Variants in RCN3 observed in about 807,000 individuals in gnomAD.
RCN3 encodes the protein reticulocalbin 3.
RCN3 carries 41 observed loss-of-function variants against 35.9 expected under a neutral mutation model. The ratio of observed to expected loss-of-function variants is 1.14; its 90% CI spans 0.89 to 1.48. The LOEUF (loss-of-function observed/expected upper bound fraction) is 1.48, where lower values mean the gene tolerates loss of function less well. Among genes scored for constraint, RCN3 ranks in the 40% most tolerant of loss-of-function variants. The probability of loss-of-function intolerance (pLI) is 0.00; values close to 1 mark genes in which losing one functional copy is unlikely to be tolerated. For synonymous variants in RCN3, 187 were observed against 193.4 expected, an observed-to-expected ratio of 0.97 and a Z score of 0.27; for missense variants, 451 against 471.3, an observed-to-expected ratio of 0.96 and a Z score of 0.40.
chr19:49,534,484 C>G, intron 3 of RCN3, 89 bp downstream of exon 3: 1 of 1,380,508 alleles, frequency 7.2e-7, no homozygotes. Context: ...AACCCATTTA[C>G]CCGGAGTCCC....
chr19:49,537,339 G>C, intron 4 of RCN3, 134 bp downstream of exon 4: 2 of 882,548 alleles, frequency 2.3e-6, no homozygotes, highest in Non-Finnish European at 1.6e-6. Context: ...GGGGAAGCCA[G>C]GCCGCAAACA....
At chr19:49,528,436 C>T (rs755427572) in intron 1 of RCN3, 31 bp from the exon 2 acceptor site, 1 of 1,466,762 alleles carries the variant, frequency 6.8e-7, no homozygotes, top group Non-Finnish European at 9.0e-7. Context: ...ATCCCTGTGA[C>T]CCCTGACCCC....
At chr19:49,537,251 C>G (rs1308571563) in intron 4 of RCN3, 46 bp downstream of exon 4, 44 of 1,414,926 alleles carry the variant, frequency 3.1e-5, no homozygotes, top group Non-Finnish European at 4.1e-5. Flanking sequence ...CTTCCGGGGA[C>G]CCAGGCTTCC....
intron 2 of RCN3, among the ~76,000 whole-genome samples, chr19:49,529,914 G>A (rs754890504): frequency 6.7e-6 from 1 of 149,458 alleles, no homozygotes; most frequent in South Asian, 2.1e-4. Flanking sequence ...TAGCCACCAC[G>A]CCCAGCTAAT....
chr19:49,528,721 G>C lies in RCN3; in HGVS notation c.242+7G>C. 3 of 1,569,134 alleles carry C rather than the reference G, an allele frequency of 1.9e-6. No individual in the cohort carries two copies. The highest frequency in any genetic ancestry group is 2.6e-6 in the Non-Finnish European group (3 of 1,155,610). Reference sequence around the variant, plus strand: ...AAAGCCAGGCCCGTCTGGGGTAAGAGAGACATTCGGTTGGGGCGTGTCCAG... The same window carrying C: ...AAAGCCAGGCCCGTCTGGGGTAAGACAGACATTCGGTTGGGGCGTGTCCAG... On this transcript the variant is annotated splice_region_variant and intron_variant, in intron 2 of 6. Coordinates refer to ENST00000270645, the MANE Select transcript of RCN3 (RefSeq NM_020650.3).
intron 2 of RCN3, among the ~76,000 whole-genome samples, chr19:49,532,213 C>T (rs1207791575): frequency 1.2e-4 from 17 of 145,156 alleles, no homozygotes; most frequent in Non-Finnish European, 2.1e-4. Flanking sequence ...TCACGCCATT[C>T]TCCTGCCTCA....
Position 49,542,734 on chromosome 19 carries a change from C to A in RCN3, c.861C>A (p.His287Gln). 1 of 1,590,532 alleles carries A rather than the reference C, an allele frequency of 6.3e-7. No individual in the cohort carries two copies. Among genetic ancestry groups the A allele is most frequent in the Non-Finnish European group, 8.5e-7 (1 of 1,170,020 alleles). The change falls in exon 6 of 7, where the codon CAC (histidine) becomes CAA (glutamine). Residue 287 changes from histidine (H) to glutamine (Q), a missense_variant. Physicochemically the swap from His to Gln is conservative, Grantham distance 24. Coordinates refer to ENST00000270645, the MANE Select transcript of RCN3 (RefSeq NM_020650.3). Reference sequence around the variant, plus strand: ...TGGTGGAAGCCAACCACCTGCTGCACGAGAGCGACACGGACAAGGTGCAGT... The same window carrying A: ...TGGTGGAAGCCAACCACCTGCTGCAAGAGAGCGACACGGACAAGGTGCAGT... ...QPLVEANHLL[H>Q]ESDTDKDGRL... is the part of the protein sequence containing the mutation.
At chr19:49,541,682 C>G (rs954314617) in intron 5 of RCN3, among the ~76,000 whole-genome samples, 14 of 148,378 alleles carry the variant, frequency 9.4e-5, no homozygotes, top group Non-Finnish European at 1.9e-4. Flanking sequence ...CCAGAAGGTG[C>G]AGGTTGCAGT....
At chr19:49,533,725 T>G (rs983587130) in intron 2 of RCN3, among the ~76,000 whole-genome samples, 91 of 114,394 alleles carry the variant, frequency 8.0e-4, no homozygotes, top group Non-Finnish European at 1.2e-3. Flanking sequence ...ATGGGGCGGG[T>G]CGGGGCCTGA....
chr19:49,542,579 G>A lies in RCN3; in HGVS notation c.706G>A (p.Glu236Lys). The change falls in exon 6 of 7, where the codon GAG becomes AAG. Residue 236 changes from glutamate (E) to lysine (K), a missense_variant. Physicochemically the swap from Glu to Lys is moderately conservative, Grantham distance 56. Coordinates refer to ENST00000270645, the MANE Select transcript of RCN3 (RefSeq NM_020650.3). ...IADLYSAEPGEEEPAWVQTER... is the reference protein window; with the variant it reads ...IADLYSAEPGKEEPAWVQTER... ...GGATCTGTACTCAGCCGAGCCTGGG[G>A]AGGAGGAGCCGGCGTGGGTGCAGAC... 2 of 1,606,500 alleles carry A rather than the reference G, an allele frequency of 1.2e-6. No homozygotes were observed. The highest frequency in any genetic ancestry group is 1.7e-6 in the Non-Finnish European group (2 of 1,177,078).
intron 5 of RCN3, among the ~76,000 whole-genome samples, chr19:49,542,110 G>A (rs1178379008): frequency 1.3e-5 from 2 of 151,822 alleles, no homozygotes; most frequent in Non-Finnish European, 2.9e-5. Context: ...TGTTGCCCAG[G>A]TTGGTCTTGA....
chr19:49,535,661 G>C (rs1368154730), intron 3 of RCN3, among the ~76,000 whole-genome samples: 1 of 151,890 alleles, frequency 6.6e-6, no homozygotes, highest in Non-Finnish European at 1.5e-5. Context: ...AGACCAGCCT[G>C]GCCAATGTGG....
At chr19:49,532,099 CCTT>C (rs2080110923) in intron 2 of RCN3, among the ~76,000 whole-genome samples, 1 of 135,376 alleles carries the variant, frequency 7.4e-6, no homozygotes, top group Non-Finnish European at 1.6e-5. Context: ...TGGCGCCTGG[CCTT>C]TTTTTTTTTT....
In RCN3 at chr19:49,528,772, G is replaced by T. The variant is rs978801991; in HGVS notation, c.242+58G>T. The T allele has an allele frequency of 4.8e-6, 7 of 1,460,164 alleles. No individual in the cohort carries two copies. In the Admixed American group the frequency reaches 1.8e-4, roughly 37 times the overall value. 90.5% of individuals were successfully genotyped at this position (1,460,164 alleles called of 1,614,324 possible). A position where few individuals can be genotyped will look rare whatever the true frequency, so the allele number is the denominator to read the frequency against. On this transcript the variant is annotated intron_variant, in intron 2 of 6. Coordinates refer to ENST00000270645, the MANE Select transcript of RCN3 (RefSeq NM_020650.3). ...AGGTGGGGCTTAGGAGAGAGACGCGGGGGTATCGACAGGGGTCAGAGAAAT... is the reference window on the plus strand; with the variant it reads ...AGGTGGGGCTTAGGAGAGAGACGCGTGGGTATCGACAGGGGTCAGAGAAAT...
At position 49,528,608 on chromosome 19, in the gene RCN3, G is replaced by A; in HGVS notation, c.136G>A (p.Asp46Asn). The A allele has an allele frequency of 6.2e-7, 1 of 1,612,022 alleles. No individual in the cohort carries two copies. ...GGCCCCCCTGAGCGACGCTCCCCAT[G>A]ATGACGCCCACGGGAACTTCCAGTA... The part of the protein sequence containing the change: ...QAAPLSDAPH[D>N]DAHGNFQYDH... Residue 46 changes from aspartate to asparagine, a missense_variant, in exon 2 of 7, where the codon GAT becomes AAT. Coordinates refer to ENST00000270645, the MANE Select transcript of RCN3 (RefSeq NM_020650.3).
rs540649450 is a variant in RCN3, at chr19:49,530,993, A to G, written c.242+2279A>G. Among the ~76,000 whole-genome samples, 9 of 152,216 alleles carry G rather than the reference A, an allele frequency of 5.9e-5. No homozygotes were observed. The East Asian group carries it at 1.7e-3, about 29-fold the overall frequency. On this transcript the variant is annotated intron_variant, in intron 2 of 6. Transcript: ENST00000270645. The stretch of plus-strand genomic sequence containing the variant: ...CCCGTGTGGCTGGAACTCAGTGAGA[A>G]AGGGGAGAGAGTGGGAGGTGAGGGC...
At position 49,530,363 on chromosome 19, in the gene RCN3, G is replaced by A. The variant is rs1258558036; in HGVS notation, c.242+1649G>A. Among the ~76,000 whole-genome samples, 7 of 150,494 alleles carry A rather than the reference G, an allele frequency of 4.7e-5. No individual in the cohort carries two copies. In the South Asian group the frequency reaches 8.4e-4, roughly 18 times the overall value. Reference sequence around the variant, plus strand: ...TTTTTTGTATTTTAGTAGAGATGGGGTTTCACTGTGTTGCCCAGGCTGGTC... The same window carrying A: ...TTTTTTGTATTTTAGTAGAGATGGGATTTCACTGTGTTGCCCAGGCTGGTC... On this transcript the variant is annotated intron_variant, in intron 2 of 6. Coordinates refer to ENST00000270645, the MANE Select transcript of RCN3 (RefSeq NM_020650.3).
intron 6 of RCN3, 80 bp from the exon 7 acceptor site, chr19:49,543,026 T>C (rs2080170989): frequency 1.7e-6 from 2 of 1,208,656 alleles, no homozygotes; most frequent in Non-Finnish European, 2.4e-6. Flanking sequence ...TCCCAGAGAC[T>C]TCGGGACACG....
At chr19:49,529,062 TC>T (rs2122711829) in intron 2 of RCN3, among the ~76,000 whole-genome samples, 1 of 152,106 alleles carries the variant, frequency 6.6e-6, no homozygotes, top group Admixed American at 6.6e-5. Context: ...GCACCTGTAA[TC>T]CCAGCTACTC....
Sources: gnomAD v4.1 joint callset for allele counts (sites outside exome capture counted in the v4.1 genomes callset) on GRCh38, gnomAD v4.1.1 for gene constraint, MANE v1.5 for transcripts, NCBI Gene and HGNC (gene_info 2026-07-23, HGNC 2026-07-21) for gene names.